Variants in RPS29 observed in about 807,000 individuals in gnomAD.
RPS29 encodes the protein small ribosomal subunit protein uS14.
For missense variants in RPS29, 60 were observed against 75.7 expected (o/e 0.79, Z 0.77); for synonymous variants, 37 against 26.9 (o/e 1.37, Z -1.16).
At chr14:49,591,513 T>C (rs968708739) in intron 1 of RPS29, among the ~76,000 whole-genome samples, 2 of 151,966 alleles carry the variant, frequency 1.3e-5, no homozygotes, top group Admixed American at 6.6e-5. Context: ...AGTTTCACCA[T>C]GTTGGCCAGG....
upstream of RPS29, chr14:49,586,386 G>T: frequency 6.4e-7 from 1 of 1,573,340 alleles, no homozygotes; most frequent in Admixed American, 1.7e-5. Context: ...GGAAGAAGCT[G>T]GCCCACGCAT....
intron 1 of RPS29, among the ~76,000 whole-genome samples, chr14:49,593,691 T>TAA (rs1881761665): frequency 4.7e-4 from 1 of 2,130 alleles, no homozygotes; most frequent in East Asian, 5.0e-3. Flanking sequence ...AGACTCTGTC[T>TAA]CAAAAAAAAA....
chr14:49,584,245 G>A (rs1177486500), intron 2 of RPS29, among the ~76,000 whole-genome samples: 3 of 152,240 alleles, frequency 2.0e-5, no homozygotes, highest in Non-Finnish European at 4.4e-5. Context: ...CCAAAGTGCT[G>A]GGATTTCAGG....
chr14:49,579,781 A>C (rs1881285055), downstream of RPS29, among the ~76,000 whole-genome samples: 2 of 152,350 alleles, frequency 1.3e-5, no homozygotes, highest in Non-Finnish European at 2.9e-5. Context: ...ATCTTTGGGA[A>C]TAAGAGATGC....
chr14:49,594,159 G>A (rs1881773546), intron 1 of RPS29, among the ~76,000 whole-genome samples: 1 of 152,116 alleles, frequency 6.6e-6, no homozygotes, highest in Non-Finnish European at 1.5e-5. Flanking sequence ...CAGTATGGAT[G>A]GTGGATTATT....
exon 3 of RPS29, chr14:49,573,436 G>GCA (rs1881104586): frequency 7.0e-6 from 1 of 142,330 alleles, no homozygotes; most frequent in Non-Finnish European, 1.5e-5. Context: ...TGGCACCACT[G>GCA]CACTCCAGCC....
At chr14:49,582,037 T>TA (rs1490082757), downstream of RPS29, among the ~76,000 whole-genome samples, 2 of 121,378 alleles carry the variant, frequency 1.6e-5, no homozygotes, top group Non-Finnish European at 1.7e-5. Flanking sequence ...AAAAAAAACT[T>TA]AGTGACTATC....
At chr14:49,598,273 A>G (rs1208805036) in intron 1 of RPS29, 3 of 594,442 alleles carry the variant, frequency 5.0e-6, no homozygotes, top group Non-Finnish European at 9.0e-6. Context: ...GGCGCTTCCC[A>G]CTCCCCAGCC....
intron 1 of RPS29, chr14:49,598,329 G>A (rs1881883721): frequency 1.9e-5 from 12 of 619,566 alleles, no homozygotes; most frequent in Admixed American, 2.7e-5. Flanking sequence ...AGAGTACGAA[G>A]GCCTTGTGCG....
chr14:49,584,133 C>A (rs1881433332), intron 2 of RPS29, among the ~76,000 whole-genome samples: 1 of 152,208 alleles, frequency 6.6e-6, no homozygotes, highest in Non-Finnish European at 1.5e-5. Flanking sequence ...AGGCGCGGAT[C>A]ATCATACAAG....
At chr14:49,587,461 C>G (rs1350440264), upstream of RPS29, among the ~76,000 whole-genome samples, 1 of 152,184 alleles carries the variant, frequency 6.6e-6, no homozygotes, top group Admixed American at 6.5e-5. Flanking sequence ...TGCAACAATT[C>G]CAGAAACTTT....
At chr14:49,594,014 T>C (rs906923703) in intron 1 of RPS29, among the ~76,000 whole-genome samples, 2 of 152,218 alleles carry the variant, frequency 1.3e-5, no homozygotes, top group African/African-American at 4.8e-5. Flanking sequence ...GGTCAAATAG[T>C]GTACCTTTAC....
upstream of RPS29, chr14:49,586,577 A>C (rs937150591): frequency 5.5e-6 from 3 of 549,514 alleles, no homozygotes; most frequent in Admixed American, 3.1e-5. Flanking sequence ...CCGGTATCCG[A>C]CCGCCGGGCG....
chr14:49,584,326 TACGTATGA>T (rs937790559), intron 2 of RPS29, among the ~76,000 whole-genome samples: 1 of 152,224 alleles, frequency 6.6e-6, no homozygotes, highest in African/African-American at 2.4e-5. Context: ...TCCATTTTCT[TACGTATGA>T]TATACTACCT....
intron 1 of RPS29, among the ~76,000 whole-genome samples, chr14:49,593,235 G>C (rs1881753078): frequency 6.6e-6 from 1 of 152,180 alleles, no homozygotes; most frequent in Non-Finnish European, 1.5e-5. Flanking sequence ...AATATGCATT[G>C]AGTACCGACT....
chr14:49,597,252 G>T (rs147713519), intron 1 of RPS29, among the ~76,000 whole-genome samples: 1 of 151,698 alleles, frequency 6.6e-6, no homozygotes, highest in African/African-American at 2.4e-5. Flanking sequence ...TGGAGACGAG[G>T]TCTCACTATT....
chr14:49,586,075 G>T, intron 1 of RPS29, 26 bp from the exon 2 acceptor site: 1 of 1,596,972 alleles, frequency 6.3e-7, no homozygotes, highest in Non-Finnish European at 8.6e-7. Flanking sequence ...CAGCGGTTTT[G>T]CAGGTCATAG....
intron 2 of RPS29, among the ~76,000 whole-genome samples, chr14:49,584,877 T>TAA (rs952634618): frequency 5.9e-4 from 87 of 146,948 alleles, no homozygotes; most frequent in African/African-American, 2.1e-3. Context: ...GTTTTCACCT[T>TAA]AAAAAAAAAA....
chr14:49,592,630 C>G (rs981091432), intron 1 of RPS29, among the ~76,000 whole-genome samples: 1 of 151,054 alleles, frequency 6.6e-6, no homozygotes, highest in Non-Finnish European at 1.5e-5. Flanking sequence ...ATTAACTTGC[C>G]GGGCGCAGTG....
Sources: gnomAD v4.1 joint callset for allele counts (sites outside exome capture counted in the v4.1 genomes callset) on GRCh38, gnomAD v4.1.1 for gene constraint, MANE v1.5 for transcripts, NCBI Gene and HGNC (gene_info 2026-07-23, HGNC 2026-07-21) for gene names.